Variants in CHST11 observed in about 807,000 individuals in gnomAD.
CHST11 encodes C4S-1.
Under a neutral mutation model 30.4 loss-of-function variants are expected in CHST11, and 9 were observed. The ratio of observed to expected loss-of-function variants is 0.30; its 90% confidence interval spans 0.18 to 0.52. The LOEUF (loss-of-function observed/expected upper bound fraction) is 0.52, where lower values mean the gene tolerates loss of function less well. CHST11 is among the 20% of genes least tolerant of loss of function. The pLI, the probability that CHST11 is intolerant of heterozygous loss-of-function variation, is 0.97. For missense variants in CHST11, 348 were observed against 460.6 expected (o/e 0.76, Z 2.24); for synonymous variants, 152 against 187.8 (o/e 0.81, Z 1.56).
At chr12:104,527,876 C>G (rs1387724704) in intron 1 of CHST11, among the ~76,000 whole-genome samples, 1 of 152,202 alleles carries the variant, frequency 6.6e-6, no homozygotes, top group African/African-American at 2.4e-5. Flanking sequence ...GCACGTCTTA[C>G]ATGGCAGCAG....
intron 2 of CHST11, among the ~76,000 whole-genome samples, chr12:104,663,463 T>A (rs1392793641): frequency 1.3e-5 from 2 of 152,236 alleles, no homozygotes. Context: ...GCTAACAATT[T>A]TGATAAATAT....
chr12:104,756,851 T>G, intron 2 of CHST11, 98 bp from the exon 3 acceptor site: 2 of 1,384,002 alleles, frequency 1.4e-6, no homozygotes, highest in Non-Finnish European at 2.0e-6. Flanking sequence ...CCAGCTTAGA[T>G]ATGTGTTTGA....
At chr12:104,519,135 A>G (rs960442991) in intron 1 of CHST11, among the ~76,000 whole-genome samples, 2 of 148,938 alleles carry the variant, frequency 1.3e-5, no homozygotes, top group Admixed American at 1.3e-4. Flanking sequence ...CCAACCCTAA[A>G]CAGGGGTATG....
chr12:104,633,305 C>A (rs1287749976), intron 2 of CHST11, among the ~76,000 whole-genome samples: 2 of 151,876 alleles, frequency 1.3e-5, no homozygotes, highest in Non-Finnish European at 1.5e-5. Flanking sequence ...AAAGAAGGCA[C>A]ACATTATTCT....
intron 2 of CHST11, among the ~76,000 whole-genome samples, chr12:104,668,260 A>C (rs907834052): frequency 3.9e-4 from 60 of 152,186 alleles, no homozygotes; most frequent in African/African-American, 1.4e-3. Flanking sequence ...GCCTGCCACA[A>C]AGGAAGCCCC....
chr12:104,646,725 T>A (rs78054238), intron 2 of CHST11, among the ~76,000 whole-genome samples: 9,104 of 152,256 alleles, frequency 0.06, 343 homozygotes, highest in Non-Finnish European at 0.082. Flanking sequence ...TATTATTTCC[T>A]TTGCACCCCT....
chr12:104,531,396 A>T (rs1453495594), intron 1 of CHST11, among the ~76,000 whole-genome samples: 2 of 150,314 alleles, frequency 1.3e-5, no homozygotes, highest in Non-Finnish European at 2.9e-5. Flanking sequence ...AGGCAAGAGG[A>T]TCGCTTGAGC....
At chr12:104,699,231 A>G (rs1237912801) in intron 2 of CHST11, among the ~76,000 whole-genome samples, 1 of 152,206 alleles carries the variant, frequency 6.6e-6, no homozygotes, top group Non-Finnish European at 1.5e-5. Flanking sequence ...GTACATACAG[A>G]TCTGTGCTTT....
chr12:104,606,896 C>T (rs1345561003), intron 2 of CHST11, among the ~76,000 whole-genome samples: 1 of 151,896 alleles, frequency 6.6e-6, no homozygotes, highest in Admixed American at 6.6e-5. Flanking sequence ...AGTGAAATGT[C>T]GTCTCTACCA....
chr12:104,607,110 T>C (rs1185974964), intron 2 of CHST11, among the ~76,000 whole-genome samples: 13 of 152,046 alleles, frequency 8.6e-5, no homozygotes, highest in Non-Finnish European at 7.4e-5. Flanking sequence ...ATTGCAGATT[T>C]ATTTTTTGCT....
intron 1 of CHST11, among the ~76,000 whole-genome samples, chr12:104,486,668 T>A (rs1424435506): frequency 6.6e-6 from 1 of 152,154 alleles, no homozygotes; most frequent in Non-Finnish European, 1.5e-5. Context: ...CACGAAAGCC[T>A]CATTGCCAGG....
intron 1 of CHST11, among the ~76,000 whole-genome samples, chr12:104,466,041 G>A (rs2037454299): frequency 6.6e-6 from 1 of 151,896 alleles, no homozygotes; most frequent in Admixed American, 6.6e-5. Flanking sequence ...TGTATTTTTA[G>A]TAGAGACAGG....
rs1248670090 is a variant in CHST11, at chr12:104,729,685, G to T, written c.205-27264G>T. Among the ~76,000 whole-genome samples the T allele has an allele frequency of 6.6e-6, 1 of 152,206 alleles. No homozygotes were observed. Among genetic ancestry groups the T allele is most frequent in the Non-Finnish European group, 1.5e-5 (1 of 68,022 alleles). ...AACCTTGCTGGAGAAGTGAGAAGTG[G>T]GTGTGCAGAATCGTACGGTGTGCAG... On this transcript the variant is annotated intron_variant, in intron 2 of 2. Transcript: ENST00000303694. This position sits in a 1 kb window ranked among gnomAD's most constrained non-coding sequence, Gnocchi z 4.0.
intron 1 of CHST11, among the ~76,000 whole-genome samples, chr12:104,538,110 T>C (rs1451524333): frequency 6.6e-6 from 1 of 152,272 alleles, no homozygotes; most frequent in African/African-American, 2.4e-5. Flanking sequence ...CCTAATGTTC[T>C]TTTCTTATTC....
At chr12:104,512,961 A>G (rs2037980663) in intron 1 of CHST11, among the ~76,000 whole-genome samples, 1 of 152,034 alleles carries the variant, frequency 6.6e-6, no homozygotes, top group African/African-American at 2.4e-5. Context: ...CCCCAGCAAA[A>G]GCATTGTGGG....
intron 1 of CHST11, among the ~76,000 whole-genome samples, chr12:104,576,918 C>A (rs1035577034): frequency 6.6e-6 from 1 of 152,068 alleles, no homozygotes; most frequent in Non-Finnish European, 1.5e-5. Context: ...AGGGATGAGG[C>A]CATGTCGGGT....
At chr12:104,710,950 C>T (rs1212921624) in intron 2 of CHST11, among the ~76,000 whole-genome samples, 2 of 152,304 alleles carry the variant, frequency 1.3e-5, no homozygotes, top group Non-Finnish European at 2.9e-5. Flanking sequence ...AGTAGTTCAC[C>T]AGCTATTAGC....
At chr12:104,462,024 G>T (rs572380172) in intron 1 of CHST11, among the ~76,000 whole-genome samples, 12 of 151,520 alleles carry the variant, frequency 7.9e-5, no homozygotes, top group Admixed American at 1.3e-4. Flanking sequence ...AAAATTAGCC[G>T]GGCGTGGTGG....
At chr12:104,725,434 TC>T in intron 2 of CHST11, among the ~76,000 whole-genome samples, 1 of 152,300 alleles carries the variant, frequency 6.6e-6, no homozygotes, top group African/African-American at 2.4e-5. Context: ...GTCTCAGTTT[TC>T]CCAGCTCTAA....
Sources: allele counts gnomAD v4.1 joint callset (sites outside exome capture counted in the v4.1 genomes callset), GRCh38; gene constraint gnomAD v4.1.1; non-coding constraint Gnocchi (gnomAD v3.1); transcripts MANE v1.5; gene names NCBI Gene and HGNC (gene_info 2026-07-23, HGNC 2026-07-21).